CNTN4: variants seen among roughly 807,000 people sequenced by gnomAD.
CNTN4 encodes contactin-4.
CNTN4 carries 77 observed loss-of-function variants against 122.5 expected under a neutral mutation model. The observed-to-expected ratio is 0.63, with a 90% CI of 0.52 to 0.76. CNTN4 has a LOEUF of 0.76. Among genes scored for constraint, CNTN4 ranks in the 30% least tolerant of loss-of-function variants. The probability of loss-of-function intolerance (pLI) is 0.00; values close to 1 mark genes in which losing one functional copy is unlikely to be tolerated. For synonymous variants in CNTN4, 512 were observed against 447.0 expected (o/e 1.15, Z -1.83); for missense variants, 1,256 against 1,259.1 (o/e 1.00, Z 0.04).
At chr3:2,661,380 C>G (rs1011287334) in intron 4 of CNTN4, among the ~76,000 whole-genome samples, 1 of 152,040 alleles carries the variant, frequency 6.6e-6, no homozygotes, top group African/African-American at 2.4e-5. Flanking sequence ...ACATTTCTGA[C>G]TTTCTATACA....
intron 2 of CNTN4, among the ~76,000 whole-genome samples, chr3:2,167,848 T>A (rs1404988403): frequency 6.6e-6 from 1 of 152,210 alleles, no homozygotes; most frequent in African/African-American, 2.4e-5. Flanking sequence ...GTTTGAATAT[T>A]ACAGTTCAGT....
At chr3:2,651,507 G>C (rs1036646666) in intron 4 of CNTN4, among the ~76,000 whole-genome samples, 1 of 151,944 alleles carries the variant, frequency 6.6e-6, no homozygotes, top group Non-Finnish European at 1.5e-5. Context: ...TATAATCTGG[G>C]TGTTACACTG....
chr3:2,125,933 GTGTA>G (rs1449767705), intron 2 of CNTN4, among the ~76,000 whole-genome samples: 2 of 150,452 alleles, frequency 1.3e-5, no homozygotes, highest in Non-Finnish European at 3.0e-5. Flanking sequence ...GTGTGTATGT[GTGTA>G]TGTGTGTGTG....
chr3:2,637,744 G>T (rs887455984), intron 4 of CNTN4, among the ~76,000 whole-genome samples: 1 of 152,092 alleles, frequency 6.6e-6, no homozygotes, highest in African/African-American at 2.4e-5. Flanking sequence ...GTGACATTGG[G>T]TTATCTGCCT....
chr3:2,661,386 A>G (rs2083883268), intron 4 of CNTN4, among the ~76,000 whole-genome samples: 1 of 152,178 alleles, frequency 6.6e-6, no homozygotes, highest in Admixed American at 6.5e-5. Flanking sequence ...CTGACTTTCT[A>G]TACAAGATTT....
chr3:2,622,114 G>T (rs914374415), intron 4 of CNTN4, among the ~76,000 whole-genome samples: 1 of 152,132 alleles, frequency 6.6e-6, no homozygotes, highest in Non-Finnish European at 1.5e-5. Context: ...GTCTACCCTT[G>T]CTCTGCATGC....
chr3:2,806,175 A>G (rs1181182286), intron 6 of CNTN4, among the ~76,000 whole-genome samples: 1 of 152,184 alleles, frequency 6.6e-6, no homozygotes, highest in Admixed American at 6.6e-5. Flanking sequence ...TGCTGGGATT[A>G]CAGGCGTGAG....
At chr3:2,698,815 C>G (rs1218965185) in intron 4 of CNTN4, among the ~76,000 whole-genome samples, 2 of 152,130 alleles carry the variant, frequency 1.3e-5, no homozygotes, top group African/African-American at 4.8e-5. Context: ...GTCAGGAGTT[C>G]GAGATCAGCC....
chr3:2,356,070 G>C (rs1559481728), intron 3 of CNTN4, among the ~76,000 whole-genome samples: 1 of 152,222 alleles, frequency 6.6e-6, no homozygotes, highest in East Asian at 1.9e-4. Flanking sequence ...TCCAATACAG[G>C]TATTGGTGTT....
chr3:2,934,995 G>A lies in CNTN4; in HGVS notation c.1358+9216G>A, dbSNP rs571786582. ...GAGCCATGGATAAAATAGTTACGGCGTTGAGCTCTCCTGAAGTGCAGTTGC... is the reference window on the plus strand; with the variant it reads ...GAGCCATGGATAAAATAGTTACGGCATTGAGCTCTCCTGAAGTGCAGTTGC... On this transcript the variant is annotated intron_variant, in intron 13 of 24. Transcript: ENST00000418658. Among the ~76,000 whole-genome samples the A allele has an allele frequency of 6.0e-4, 92 of 152,176 alleles. 1 individual carries two copies. The highest frequency in any genetic ancestry group is 1.8e-3 in the African/African-American group (73 of 41,528).
chr3:2,739,329 C>T (rs2089320964), intron 5 of CNTN4, among the ~76,000 whole-genome samples: 1 of 151,854 alleles, frequency 6.6e-6, no homozygotes, highest in African/African-American at 2.4e-5. Flanking sequence ...AAAAACACTC[C>T]CTAGTAAAGC....
At chr3:2,174,212 T>C (rs2036645066) in intron 2 of CNTN4, among the ~76,000 whole-genome samples, 1 of 152,200 alleles carries the variant, frequency 6.6e-6, no homozygotes, top group Non-Finnish European at 1.5e-5. Flanking sequence ...AAAGAGGCTA[T>C]AGTTGTTCAT....
chr3:2,995,592 T>G (rs574485619), intron 14 of CNTN4, among the ~76,000 whole-genome samples: 3 of 152,284 alleles, frequency 2.0e-5, no homozygotes, highest in South Asian at 4.1e-4. Context: ...GGCCTCGTAT[T>G]TTTGCTTTTG....
chr3:3,029,770 T>TA (rs1463909001), intron 15 of CNTN4, among the ~76,000 whole-genome samples: 4 of 152,150 alleles, frequency 2.6e-5, no homozygotes, highest in African/African-American at 9.7e-5. Flanking sequence ...TCCTCATCTG[T>TA]AAAATAAGGA....
chr3:2,781,850 G>C (rs575234621), intron 6 of CNTN4, among the ~76,000 whole-genome samples: 2 of 127,626 alleles, frequency 1.6e-5, no homozygotes, highest in Non-Finnish European at 1.6e-5. Flanking sequence ...TCAGCCTCCC[G>C]AGTAGCTGGG....
chr3:2,205,808 T>A (rs973014475), intron 2 of CNTN4, among the ~76,000 whole-genome samples: 1 of 152,140 alleles, frequency 6.6e-6, no homozygotes, highest in African/African-American at 2.4e-5. Flanking sequence ...TTGTTTTTTT[T>A]AGAAGCATAA....
At chr3:2,950,621 T>C (rs1279179925) in intron 13 of CNTN4, among the ~76,000 whole-genome samples, 3 of 152,198 alleles carry the variant, frequency 2.0e-5, no homozygotes, top group South Asian at 4.1e-4. Flanking sequence ...TTGCATAAGC[T>C]GAGAAAGAAT....
chr3:2,535,449 A>C (rs75580547), intron 3 of CNTN4, among the ~76,000 whole-genome samples: 22 of 152,086 alleles, frequency 1.4e-4, no homozygotes, highest in Non-Finnish European at 2.2e-4. Context: ...TGTACTTTCA[A>C]ATTTTCACTT....
chr3:2,630,733 C>G (rs199593315), intron 4 of CNTN4, among the ~76,000 whole-genome samples: 1,836 of 57,002 alleles, frequency 0.032, 28 homozygotes, highest in African/African-American at 0.078. Flanking sequence ...TGTGTGTGTA[C>G]TATATGTTTA....
Sources: gnomAD v4.1 joint callset for allele counts (sites outside exome capture counted in the v4.1 genomes callset) on GRCh38, gnomAD v4.1.1 for gene constraint, MANE v1.5 for transcripts, NCBI Gene and HGNC (gene_info 2026-07-23, HGNC 2026-07-21) for gene names.